Variants in CHRD observed in about 807,000 individuals in gnomAD.
The protein encoded by CHRD is chordin.
Under a neutral mutation model 113.7 loss-of-function variants are expected in CHRD, and 69 were observed. That is an observed-to-expected ratio of 0.61 (90% CI 0.50 to 0.74). The LOEUF (loss-of-function observed/expected upper bound fraction) is 0.74. Ranked by LOEUF, CHRD falls within the 30% of genes least tolerant of loss-of-function variation. CHRD has a pLI of 0.00. For missense variants in CHRD, 1,194 were observed against 1,295.8 expected (o/e 0.92, Z 1.21); for synonymous variants, 561 against 540.8 (o/e 1.04, Z -0.52).
chr3:184,390,240 T>G, downstream of CHRD: 1 of 75,844 alleles, frequency 1.3e-5, no homozygotes, highest in East Asian at 5.1e-4. Context: ...TCCCCTTCCC[T>G]TCACTCTCCC....
rs747709548 is a variant in CHRD, at chr3:184,388,693, C to T, written c.2661C>T (p.Pro887=). Residue 887 remains proline, a synonymous_variant, in exon 21 of 23, where the codon CCC becomes CCT. Coordinates refer to ENST00000204604, the Ensembl canonical transcript of CHRD. This position sits in a 1 kb window ranked among gnomAD's most constrained non-coding sequence, Gnocchi z 6.1. ...TCCCAGAGAGTCAGAGCTGGCACCC[C>T]TCAGTGCCCCCTTTTGGAGAGATGA... is the stretch of plus-strand genomic sequence containing the variant. 2 of 1,614,064 alleles carry T rather than the reference C, an allele frequency of 1.2e-6. No individual in the cohort carries two copies. The highest frequency in any genetic ancestry group is 1.7e-6 in the Non-Finnish European group (2 of 1,180,038).
Position 184,380,830 on chromosome 3 carries a change from G to T in CHRD, c.252+35G>T, listed in dbSNP as rs767385245. On this transcript the variant is annotated intron_variant, in intron 2 of 22. Coordinates refer to ENST00000204604, the Ensembl canonical transcript of CHRD. This position sits in a 1 kb window ranked among gnomAD's most constrained non-coding sequence, Gnocchi z 6.3. ...CCCCGCGGCCGGCCCGGGCCCTGGC[G>T]GGTGGGGAGCGCCGGGTCGCGCGGG... 1.3e-4 allele frequency: 188 copies of T among 1,503,258 alleles called. No homozygotes were observed. Among genetic ancestry groups the T allele is most frequent in the Non-Finnish European group, 1.7e-4 (186 of 1,124,514 alleles). 93.1% of individuals were successfully genotyped at this position (1,503,258 alleles called of 1,614,324 possible). A position where few individuals can be genotyped will look rare whatever the true frequency, so the allele number is the denominator to read the frequency against.
chr3:184,386,449 G>T lies in CHRD; in HGVS notation c.1933-43G>T, dbSNP rs761403130. The T allele has an allele frequency of 2.6e-6, 4 of 1,530,336 alleles. No individual in the cohort carries two copies. The South Asian group carries it at 3.7e-5, about 14-fold the overall frequency. 94.8% of individuals were successfully genotyped at this position (1,530,336 alleles called of 1,614,324 possible). On this transcript the variant is annotated intron_variant, in intron 15 of 22. Coordinates refer to ENST00000204604, the Ensembl canonical transcript of CHRD. ...GGCCAGCTGCCGCTGGTAAAGACGC[G>T]AGGGGGAGCCCCAGCGCTGCCTCAG...
At chr3:184,385,387 G>T (rs1716119667) in intron 14 of CHRD, 149 bp downstream of exon 14, 1 of 662,302 alleles carries the variant, frequency 1.5e-6, no homozygotes, top group Non-Finnish European at 2.6e-6. Flanking sequence ...TGATTTGTAG[G>T]CTGGGTGCAG....
chr3:184,383,532 G>A, exon 12 of CHRD: 3 of 1,614,100 alleles, frequency 1.9e-6, no homozygotes, highest in Non-Finnish European at 2.5e-6. Flanking sequence ...GGTGCAAGTG[G>A]TAGGGACAAG....
chr3:184,387,365 C>G lies in CHRD; in HGVS notation c.2348-9C>G. ...ATACTAATGGCTGCTGGGCCCTGTTCCCCACCAGGCTGCTATTTTGATGGT... is the reference window on the plus strand; with the variant it reads ...ATACTAATGGCTGCTGGGCCCTGTTGCCCACCAGGCTGCTATTTTGATGGT... On this transcript the variant is annotated splice_polypyrimidine_tract_variant and intron_variant, in intron 18 of 22. Transcript: ENST00000204604. This position sits in a 1 kb window ranked among gnomAD's most constrained non-coding sequence, Gnocchi z 6.1. The G allele has an allele frequency of 6.2e-7, 1 of 1,604,402 alleles. No homozygotes were observed. Among genetic ancestry groups the G allele is most frequent in the Non-Finnish European group, 8.5e-7 (1 of 1,175,670 alleles).
At chr3:184,386,183 G>T (rs968998549) in intron 15 of CHRD, 24 bp downstream of exon 15, 1 of 1,607,404 alleles carries the variant, frequency 6.2e-7, no homozygotes, top group Non-Finnish European at 8.5e-7. Flanking sequence ...GTGGGCAGTG[G>T]GGGCAGTGGG....
At chr3:184,385,214 G>A (rs1240392928) in exon 14 of CHRD, 5 of 1,613,672 alleles carry the variant, frequency 3.1e-6, no homozygotes, top group Non-Finnish European at 4.2e-6. Flanking sequence ...CTCGGCGGCT[G>A]CTGAAGGGAT....
chr3:184,383,880 G>A (rs1715868630), intron 12 of CHRD, among the ~76,000 whole-genome samples: 4 of 150,562 alleles, frequency 2.7e-5, no homozygotes, highest in Middle Eastern at 3.4e-3. Flanking sequence ...GGGTTCAAGC[G>A]ATTCTCCTGC....
chr3:184,386,268 G>A lies in CHRD; in HGVS notation c.1932+109G>A, dbSNP rs117953595. ...CTGTCTCTGAGTCCTGGGGGTGGTC[G>A]TATCACAGCGCCCCCCCGGCTGGTG... is the stretch of plus-strand genomic sequence containing the variant. On this transcript the variant is annotated intron_variant, in intron 15 of 22. Transcript: ENST00000204604. 3.0e-4 allele frequency: 386 copies of A among 1,280,974 alleles called. 3 individuals carry two copies. In the East Asian group the frequency reaches 9.3e-3, roughly 31 times the overall value. 79.4% of individuals were successfully genotyped at this position (1,280,974 alleles called of 1,614,324 possible).
At position 184,388,602 on chromosome 3, in the gene CHRD, AC is replaced by A; in HGVS notation, c.2575del (p.Gln859SerfsTer37). The A allele has an allele frequency of 6.2e-7, 1 of 1,611,108 alleles. No homozygotes were observed. ...CTCTCAACAGTGGGGTCGGGGGCCCACCCCCAGCTGGGGGACCCCATGCAGG... is the reference window on the plus strand; with the variant it reads ...CTCTCAACAGTGGGGTCGGGGGCCCACCCCAGCTGGGGGACCCCATGCAGG... On this transcript the variant is annotated frameshift_variant, in exon 21 of 23. Coordinates refer to ENST00000204604, the Ensembl canonical transcript of CHRD. LOFTEE classifies it high-confidence loss of function. This position sits in a 1 kb window ranked among gnomAD's most constrained non-coding sequence, Gnocchi z 6.1.
chr3:184,387,605 G>T lies in CHRD; in HGVS notation c.2451+128G>T. The T allele has an allele frequency of 1.1e-6, 1 of 879,154 alleles. No homozygotes were observed. The highest frequency in any genetic ancestry group is 1.8e-5 in the South Asian group (1 of 55,952). 54.5% of individuals were successfully genotyped at this position (879,154 alleles called of 1,614,324 possible). On this transcript the variant is annotated intron_variant, in intron 19 of 22. Coordinates refer to ENST00000204604, the Ensembl canonical transcript of CHRD. The surrounding 1 kb of genome is among the most constrained non-coding windows in gnomAD (Gnocchi z 6.1). ...AAGAATCAAAACGATATGAGAAAAG[G>T]CCCTTGCGCTCTGAGAGTCGGCTTC... is the stretch of plus-strand genomic sequence containing the variant.
chr3:184,389,101 C>A, intron 22 of CHRD, 106 bp downstream of exon 22: 1 of 806,764 alleles, frequency 1.2e-6, no homozygotes, highest in South Asian at 1.6e-5. Context: ...AACAGTGCAG[C>A]CTGCCTCACA....
At position 184,388,539 on chromosome 3, in the gene CHRD, A is replaced by G. The variant is rs1387687364; in HGVS notation, c.2555-48A>G. ...GGTATTCAAAGAGAATACTCATAAA[A>G]CCTTGTTGGTCCTCCTGGGCTGATC... On this transcript the variant is annotated intron_variant, in intron 20 of 22. Coordinates refer to ENST00000204604, the Ensembl canonical transcript of CHRD. This position sits in a 1 kb window ranked among gnomAD's most constrained non-coding sequence, Gnocchi z 6.1. The G allele has an allele frequency of 4.5e-6, 7 of 1,571,312 alleles. No individual in the cohort carries two copies. The Admixed American group carries it at 1.1e-4, about 25-fold the overall frequency.
In CHRD at chr3:184,386,562, C is replaced by A. The variant is rs767595082; in HGVS notation, c.2003C>A (p.Ala668Glu). 27 of 1,549,724 alleles carry A rather than the reference C, an allele frequency of 1.7e-5. No homozygotes were observed. The South Asian group carries it at 2.9e-4, about 16-fold the overall frequency. Reference sequence around the variant, plus strand: ...GCGGCCGGGGCCGAGGGGGTGCGGGCGCTGGGGGCTCCGGATACAGCCTCT... The same window carrying A: ...GCGGCCGGGGCCGAGGGGGTGCGGGAGCTGGGGGCTCCGGATACAGCCTCT... The change falls in exon 16 of 23, where the codon GCG (alanine) becomes GAG (glutamate). Residue 668 changes from alanine (A) to glutamate (E), a missense_variant. Ala to Glu is a moderately radical substitution (Grantham distance 107). Transcript: ENST00000204604.
chr3:184,389,029 G>A, intron 22 of CHRD, 34 bp downstream of exon 22: 2 of 1,472,042 alleles, frequency 1.4e-6, no homozygotes, highest in Non-Finnish European at 1.9e-6. Flanking sequence ...GCAGCTGTGA[G>A]TGGAGGGCTC....
rs773174535 is a variant in CHRD, at chr3:184,388,028, G to C, written c.2549G>C (p.Cys850Ser). The change falls in exon 20 of 23, where the codon TGT (cysteine) becomes TCT (serine). Residue 850 changes from cysteine (C) to serine (S), a missense_variant. By Grantham distance (112) the Cys-to-Ser change is moderately radical (BLOSUM62 -1). Coordinates refer to ENST00000204604, the Ensembl canonical transcript of CHRD. The surrounding 1 kb of genome is among the most constrained non-coding windows in gnomAD (Gnocchi z 6.1). ...AACCCCACCGACTGCTGCAAACAGT[G>C]TCCAGGTGAGAGAGGTGGCTGAGCA... The C allele has an allele frequency of 1.2e-6, 2 of 1,612,994 alleles. No homozygotes were observed. The highest frequency in any genetic ancestry group is 2.7e-5 in the African/African-American group (2 of 74,932).
At chr3:184,383,952 T>A (rs1413789013) in intron 12 of CHRD, among the ~76,000 whole-genome samples, 1 of 152,116 alleles carries the variant, frequency 6.6e-6, no homozygotes, top group Non-Finnish European at 1.5e-5. Flanking sequence ...AATTTCTGTA[T>A]TTTTAGTAGA....
intron 6 of CHRD, 172 bp from the exon 7 acceptor site, chr3:184,382,217 T>G: frequency 1.6e-6 from 2 of 1,243,110 alleles, no homozygotes; most frequent in South Asian, 1.4e-5. Context: ...TAGTAAGTGG[T>G]GCAGCCAGGA....
Sources: allele counts gnomAD v4.1 joint callset (sites outside exome capture counted in the v4.1 genomes callset), GRCh38; gene constraint gnomAD v4.1.1; non-coding constraint Gnocchi (gnomAD v3.1); transcripts MANE v1.5; gene names NCBI Gene and HGNC (gene_info 2026-07-23, HGNC 2026-07-21).